ABHD5: variants seen among roughly 807,000 people sequenced by gnomAD.
ABHD5 encodes the protein abhydrolase domain containing 5, lysophosphatidic acid acyltransferase.
ABHD5 carries 30 observed loss-of-function variants against 44.9 expected under a neutral mutation model. That is an observed-to-expected ratio of 0.67 (90% CI 0.50 to 0.91). The LOEUF (loss-of-function observed/expected upper bound fraction) is 0.91. Among genes scored for constraint, ABHD5 ranks in the 40% least tolerant of loss-of-function variants. The probability of loss-of-function intolerance (pLI) is 0.00; values close to 1 mark genes in which losing one functional copy is unlikely to be tolerated. For synonymous variants in ABHD5, 167 were observed against 147.0 expected, an observed-to-expected ratio of 1.14 and a Z score of -0.99; for missense variants, 399 against 423.4, an observed-to-expected ratio of 0.94 and a Z score of 0.50.
At chr3:43,696,697 TATGTATATAA>T (rs757454928) in intron 1 of ABHD5, among the ~76,000 whole-genome samples, 2 of 152,196 alleles carry the variant, frequency 1.3e-5, no homozygotes, top group Non-Finnish European at 2.9e-5. Context: ...TGAAGCCTAT[TATGTATATAA>T]CACTTAATCC....
At chr3:43,696,180 T>A (rs982716769) in intron 1 of ABHD5, among the ~76,000 whole-genome samples, 1 of 152,242 alleles carries the variant, frequency 6.6e-6, no homozygotes, top group African/African-American at 2.4e-5. Context: ...TGTATTACAG[T>A]TGACACTTTG....
In ABHD5 at chr3:43,714,957, A is replaced by G. The variant is rs1321687619; in HGVS notation, c.672A>G (p.Leu224=). ...LRIAGPFGLS[L]VQRLRPDFKR... is the part of the protein sequence containing the mutation. ...TTTCCTGTTAAATAGGTTTAAGTCT[A>G]GTGCAGCGTTTAAGGCCTGATTTCA... is the stretch of plus-strand genomic sequence containing the variant. The change falls in exon 5 of 7, where the codon CTA becomes CTG. Residue 224 remains leucine, a synonymous_variant. Transcript: ENST00000644371. 1 of 1,612,112 alleles carries G rather than the reference A, an allele frequency of 6.2e-7. No homozygotes were observed. The highest frequency in any genetic ancestry group is 1.7e-5 in the Admixed American group (1 of 59,992).
downstream of ABHD5, among the ~76,000 whole-genome samples, chr3:43,723,732 C>T (rs1378737308): frequency 2.6e-5 from 4 of 152,000 alleles, no homozygotes; most frequent in Admixed American, 2.0e-4. Context: ...CCAGTTTCTT[C>T]AACAAATTGA....
downstream of ABHD5, among the ~76,000 whole-genome samples, chr3:43,723,581 A>G (rs567540280): frequency 6.5e-4 from 99 of 152,358 alleles, no homozygotes; most frequent in Middle Eastern, 3.4e-3. Flanking sequence ...TTGAATTATG[A>G]TGAATTACTG....
intron 2 of ABHD5, 75 bp downstream of exon 2, chr3:43,699,436 G>A: frequency 7.5e-7 from 1 of 1,340,052 alleles, no homozygotes; most frequent in Non-Finnish European, 1.1e-6. Flanking sequence ...CCCTGAAACT[G>A]GAGGTAAGAT....
chr3:43,730,522 TTGA>T (rs2084906200), intron 7 of ABHD5, among the ~76,000 whole-genome samples: 2 of 90,986 alleles, frequency 2.2e-5, no homozygotes, highest in African/African-American at 4.7e-5. Flanking sequence ...TTTTTTTTTT[TTGA>T]GACGGGATCT....
chr3:43,715,795 A>T (rs1203913876), intron 5 of ABHD5, among the ~76,000 whole-genome samples: 2 of 152,212 alleles, frequency 1.3e-5, no homozygotes, highest in African/African-American at 4.8e-5. Context: ...ATTAAACAAA[A>T]GTAAATGATT....
rs2084619534 is a variant in ABHD5, at chr3:43,706,377, G to A, written c.506+3790G>A. Among the ~76,000 whole-genome samples the A allele has an allele frequency of 2.0e-5, 3 of 152,248 alleles. 1 individual carries two copies. The South Asian group carries it at 6.2e-4, about 32-fold the overall frequency. ...GGTAAGAGGAGGGAAAAAGTGGTCTGGAGATCAAATGAAATTCAGATCTTT... is the reference window on the plus strand; with the variant it reads ...GGTAAGAGGAGGGAAAAAGTGGTCTAGAGATCAAATGAAATTCAGATCTTT... On this transcript the variant is annotated intron_variant, in intron 3 of 6. Coordinates refer to ENST00000644371, the MANE Select transcript of ABHD5 (RefSeq NM_016006.6).
At chr3:43,730,276 C>T (rs2084904189) in intron 7 of ABHD5, among the ~76,000 whole-genome samples, 1 of 152,198 alleles carries the variant, frequency 6.6e-6, no homozygotes, top group Non-Finnish European at 1.5e-5. Flanking sequence ...TAGTTCACAC[C>T]AGCCTTCTCC....
intron 1 of ABHD5, chr3:43,694,878 T>A (rs1409090233): frequency 6.6e-6 from 1 of 152,204 alleles, no homozygotes; most frequent in Non-Finnish European, 1.5e-5. Flanking sequence ...GAGACCATAT[T>A]CTTTTTTTTT....
rs1214303231 is a variant in ABHD5, at chr3:43,720,390, T to A, written c.*1858T>A. ...TCGTTTACTTAGTGAATGGAGTTTCTGGCCGCAGATGTGCCAAGTGATTGA... is the reference window on the plus strand; with the variant it reads ...TCGTTTACTTAGTGAATGGAGTTTCAGGCCGCAGATGTGCCAAGTGATTGA... On this transcript the variant is annotated 3_prime_UTR_variant, in exon 7 of 7. Transcript: ENST00000644371. The A allele has an allele frequency of 6.6e-6, 1 of 152,202 alleles. No individual in the cohort carries two copies. The highest frequency in any genetic ancestry group is 1.5e-5 in the Non-Finnish European group (1 of 68,038). The allele number at this position is 152,202 out of a possible 1,614,324, so 9.4% of individuals were successfully genotyped here.
At chr3:43,727,899 G>T (rs79016826) in intron 7 of ABHD5, among the ~76,000 whole-genome samples, 1 of 152,102 alleles carries the variant, frequency 6.6e-6, no homozygotes, top group African/African-American at 2.4e-5. Flanking sequence ...GTGAGCCACC[G>T]CACCTGGCCG....
intron 4 of ABHD5, among the ~76,000 whole-genome samples, chr3:43,714,639 C>A (rs1442837704): frequency 1.3e-5 from 2 of 152,096 alleles, no homozygotes; most frequent in Non-Finnish European, 2.9e-5. Context: ...AGCTACTCGC[C>A]ACGTTTAAAG....
intron 3 of ABHD5, among the ~76,000 whole-genome samples, chr3:43,707,353 GCT>G (rs1575603092): frequency 6.6e-6 from 1 of 152,034 alleles, no homozygotes; most frequent in African/African-American, 2.4e-5. Flanking sequence ...CTTTTGCCTG[GCT>G]CTGTCTTCTG....
chr3:43,709,771 A>C (rs1471539525), intron 3 of ABHD5, among the ~76,000 whole-genome samples: 1 of 152,168 alleles, frequency 6.6e-6, no homozygotes, highest in Non-Finnish European at 1.5e-5. Flanking sequence ...AGGGCCGGGC[A>C]CAGTGGCTCA....
At position 43,706,207 on chromosome 3, in the gene ABHD5, C is replaced by T. The variant is rs777553948; in HGVS notation, c.506+3620C>T. Among the ~76,000 whole-genome samples the T allele has an allele frequency of 5.9e-5, 9 of 152,254 alleles. No homozygotes were observed. The East Asian group carries it at 9.6e-4, about 16-fold the overall frequency. On this transcript the variant is annotated intron_variant, in intron 3 of 6. Coordinates refer to ENST00000644371, the MANE Select transcript of ABHD5 (RefSeq NM_016006.6). ...TTTTCTCTGGTGCAATAGAGCAGTC[C>T]GCTTGGTATCAACAAACAGGTACTG...
intron 3 of ABHD5, among the ~76,000 whole-genome samples, chr3:43,709,274 T>C (rs2084658707): frequency 6.6e-6 from 1 of 151,896 alleles, no homozygotes; most frequent in Non-Finnish European, 1.5e-5. Flanking sequence ...AATTGAGCAA[T>C]TGTAGGCACG....
At chr3:43,700,469 C>T (rs188896787) in intron 2 of ABHD5, among the ~76,000 whole-genome samples, 237 of 152,234 alleles carry the variant, frequency 1.6e-3, no homozygotes, top group Non-Finnish European at 2.3e-3. Flanking sequence ...GCCTGTTTTT[C>T]ATTCTCTTTA....
chr3:43,729,940 T>C (rs937487614), intron 7 of ABHD5, among the ~76,000 whole-genome samples: 2 of 152,160 alleles, frequency 1.3e-5, no homozygotes, highest in Non-Finnish European at 2.9e-5. Flanking sequence ...GTAAACATAT[T>C]GTATTGTTGC....
Sources: gnomAD v4.1 joint callset for allele counts (sites outside exome capture counted in the v4.1 genomes callset) on GRCh38, gnomAD v4.1.1 for gene constraint, MANE v1.5 for transcripts, NCBI Gene and HGNC (gene_info 2026-07-23, HGNC 2026-07-21) for gene names.